The following RAB38 variants were observed in gnomAD, a reference collection of about 807,000 sequenced individuals.
The protein encoded by RAB38 is RAB38, member RAS oncogene family.
In RAB38, 15 loss-of-function variants were observed where a neutral mutation model predicts 18.4. The observed-to-expected ratio is 0.82, with a 90% CI of 0.55 to 1.26. The LOEUF (loss-of-function observed/expected upper bound fraction) is 1.26, where lower values mean the gene tolerates loss of function less well. Among genes scored for constraint, RAB38 ranks in the 50% most tolerant of loss-of-function variants. The pLI is 0.00. For synonymous variants in RAB38, 101 were observed against 104.4 expected (o/e 0.97, Z 0.20); for missense variants, 294 against 267.4 (o/e 1.10, Z -0.69).
the RAB38 span, among the ~76,000 whole-genome samples, chr11:87,888,135 C>A: frequency 6.6e-6 from 1 of 151,872 alleles, no homozygotes; most frequent in African/African-American, 2.4e-5. Context: ...TAATCCTCTT[C>A]AAATGTTTCC....
chr11:87,862,536 A>T, the RAB38 span, among the ~76,000 whole-genome samples: 2 of 151,786 alleles, frequency 1.3e-5, no homozygotes, highest in Non-Finnish European at 2.9e-5. Flanking sequence ...GAGGGAGAGG[A>T]TCAGGAAAAA....
the RAB38 span, among the ~76,000 whole-genome samples, chr11:88,057,331 T>A: frequency 2.0e-5 from 3 of 152,078 alleles, no homozygotes; most frequent in Non-Finnish European, 4.4e-5. Context: ...ACCTGAATAG[T>A]CCTAATACAT....
chr11:88,125,866 T>C (rs1942688905), intron 2 of RAB38, among the ~76,000 whole-genome samples: 1 of 152,248 alleles, frequency 6.6e-6, no homozygotes, highest in African/African-American at 2.4e-5. Context: ...ATTTAAGTCT[T>C]TAATCCATCT....
the RAB38 span, among the ~76,000 whole-genome samples, chr11:87,941,160 T>A: frequency 6.9e-6 from 1 of 144,132 alleles, no homozygotes; most frequent in East Asian, 2.1e-4. Flanking sequence ...CTACCAACAC[T>A]CTTTATCGTA....
chr11:88,074,683 T>C, the RAB38 span, among the ~76,000 whole-genome samples: 2 of 152,226 alleles, frequency 1.3e-5, no homozygotes, highest in African/African-American at 4.8e-5. Context: ...AACAACGAAA[T>C]GGCAGTAACA....
chr11:87,878,119 G>A, the RAB38 span, among the ~76,000 whole-genome samples: 1 of 148,192 alleles, frequency 6.7e-6, no homozygotes, highest in Non-Finnish European at 1.5e-5. Flanking sequence ...AACTCATTTT[G>A]CCTAACTGTA....
the RAB38 span, among the ~76,000 whole-genome samples, chr11:88,024,009 C>A: frequency 6.6e-6 from 1 of 152,070 alleles, no homozygotes; most frequent in Non-Finnish European, 1.5e-5. Flanking sequence ...AGCAATACCC[C>A]ACAAGCACAG....
At chr11:87,820,464 G>A in the RAB38 span, among the ~76,000 whole-genome samples, 1 of 152,156 alleles carries the variant, frequency 6.6e-6, no homozygotes, top group Non-Finnish European at 1.5e-5. Flanking sequence ...TACTTGCCCA[G>A]ATTTTCAATC....
the RAB38 span, among the ~76,000 whole-genome samples, chr11:87,810,678 G>C: frequency 6.6e-6 from 1 of 152,020 alleles, no homozygotes; most frequent in African/African-American, 2.4e-5. Flanking sequence ...ACTGTGGTAG[G>C]GGCAAAGTTC....
chr11:88,103,688 T>C, the RAB38 span, among the ~76,000 whole-genome samples: 257 of 152,240 alleles, frequency 1.7e-3, no homozygotes, highest in African/African-American at 6.0e-3. Flanking sequence ...CTGTGCCAGT[T>C]TTCAATTCAT....
chr11:87,914,554 G>C, the RAB38 span, among the ~76,000 whole-genome samples: 1 of 152,132 alleles, frequency 6.6e-6, no homozygotes, highest in African/African-American at 2.4e-5. Context: ...GGGAAGCAGA[G>C]CATAAAAATT....
chr11:88,138,755 T>C (rs1475657778), intron 2 of RAB38, among the ~76,000 whole-genome samples: 1 of 151,218 alleles, frequency 6.6e-6, no homozygotes, highest in East Asian at 1.9e-4. Flanking sequence ...ATGCATTTTA[T>C]ACATACAATT....
chr11:87,854,068 A>C, the RAB38 span, among the ~76,000 whole-genome samples: 1 of 152,128 alleles, frequency 6.6e-6, no homozygotes, highest in Non-Finnish European at 1.5e-5. Context: ...GCCCACCTGG[A>C]TGATCTAGGC....
chr11:87,828,411 C>T, the RAB38 span, among the ~76,000 whole-genome samples: 1 of 152,112 alleles, frequency 6.6e-6, no homozygotes, highest in Non-Finnish European at 1.5e-5. Flanking sequence ...CCCCATTCTA[C>T]TACATTTGGC....
At chr11:87,852,593 A>G in the RAB38 span, among the ~76,000 whole-genome samples, 1 of 152,170 alleles carries the variant, frequency 6.6e-6, no homozygotes, top group Non-Finnish European at 1.5e-5. Flanking sequence ...ATGCTAGGCA[A>G]CAGATTCAAG....
the RAB38 span, among the ~76,000 whole-genome samples, chr11:87,955,873 GCACACACACACACACACACA>G: frequency 2.7e-5 from 4 of 148,616 alleles, no homozygotes; most frequent in East Asian, 5.9e-4. Flanking sequence ...CAAACAGTAT[GCACACACACACACACACACA>G]CACACACACA....
chr11:87,974,615 G>A, the RAB38 span, among the ~76,000 whole-genome samples: 1 of 151,478 alleles, frequency 6.6e-6, no homozygotes, highest in Non-Finnish European at 1.5e-5. Context: ...AAAATTGTAA[G>A]CCTACACACC....
At chr11:88,028,837 T>C in the RAB38 span, among the ~76,000 whole-genome samples, 2 of 152,126 alleles carry the variant, frequency 1.3e-5, no homozygotes, top group Non-Finnish European at 2.9e-5. Context: ...TTCCCCAATC[T>C]AGCAAGGCAG....
chr11:87,814,734 C>CTTTT, the RAB38 span, among the ~76,000 whole-genome samples: 1 of 148,646 alleles, frequency 6.7e-6, no homozygotes. Flanking sequence ...TTTTCTTTTT[C>CTTTT]TTTTTCTTTT....
Sources: gnomAD v4.1 joint callset for allele counts (sites outside exome capture counted in the v4.1 genomes callset) on GRCh38, gnomAD v4.1.1 for gene constraint, MANE v1.5 for transcripts, NCBI Gene and HGNC (gene_info 2026-07-23, HGNC 2026-07-21) for gene names.